Variants in LAMA2 observed in about 807,000 individuals in gnomAD.
LAMA2 encodes the protein laminin subunit alpha-2.
A neutral mutation model predicts 364.8 loss-of-function variants in LAMA2; 269 were observed. The ratio of observed to expected loss-of-function variants is 0.74; its 90% CI spans 0.67 to 0.82. The LOEUF (loss-of-function observed/expected upper bound fraction) is 0.82. Ranked by LOEUF, LAMA2 falls within the 40% of genes least tolerant of loss-of-function variation. The pLI, the probability that LAMA2 is intolerant of heterozygous loss-of-function variation, is 0.00. For missense variants in LAMA2, 3,807 were observed against 3,873.2 expected (o/e 0.98, Z 0.45); for synonymous variants, 1,379 against 1,370.6 (o/e 1.01, Z -0.14).
At chr6:129,230,809 A>G (rs1784630123) in intron 12 of LAMA2, among the ~76,000 whole-genome samples, 1 of 152,088 alleles carries the variant, frequency 6.6e-6, no homozygotes, top group African/African-American at 2.4e-5. Context: ...GAATACAGTA[A>G]AACTAGAGAT....
At chr6:129,459,960 A>T (rs1298401707) in intron 48 of LAMA2, among the ~76,000 whole-genome samples, 1 of 152,078 alleles carries the variant, frequency 6.6e-6, no homozygotes, top group East Asian at 1.9e-4. Flanking sequence ...TGGTATAGCA[A>T]AAAGTAATCA....
At chr6:129,036,267 A>G (rs77996631) in intron 1 of LAMA2, among the ~76,000 whole-genome samples, 1,549 of 152,188 alleles carry the variant, frequency 0.01, 11 homozygotes, top group Non-Finnish European at 0.016. Flanking sequence ...TTTCTTATGT[A>G]TGTCTAAATT....
At chr6:129,312,610 G>A (rs1011250529) in intron 22 of LAMA2, among the ~76,000 whole-genome samples, 29 of 152,280 alleles carry the variant, frequency 1.9e-4, no homozygotes, top group African/African-American at 4.6e-4. Flanking sequence ...AAAGAGAGAA[G>A]ACACATTTTC....
chr6:129,192,160 G>A (rs903936305), intron 11 of LAMA2, among the ~76,000 whole-genome samples: 5 of 152,200 alleles, frequency 3.3e-5, no homozygotes, highest in Non-Finnish European at 7.3e-5. Context: ...AGTGGGAGGG[G>A]TGGAAATACT....
chr6:129,463,588 G>A (rs372822822), intron 49 of LAMA2, among the ~76,000 whole-genome samples: 1 of 152,086 alleles, frequency 6.6e-6, no homozygotes, highest in East Asian at 1.9e-4. Context: ...TATTTTAAAT[G>A]TATTCACAAG....
intron 9 of LAMA2, among the ~76,000 whole-genome samples, chr6:129,167,416 G>A (rs1045043012): frequency 6.7e-6 from 1 of 150,368 alleles, no homozygotes; most frequent in African/African-American, 2.5e-5. Context: ...GTGGTGTTTG[G>A]TTTTTTGTTC....
intron 15 of LAMA2, among the ~76,000 whole-genome samples, chr6:129,264,282 T>G (rs951310042): frequency 2.6e-5 from 4 of 151,952 alleles, no homozygotes; most frequent in African/African-American, 7.3e-5. Context: ...GGGGAGAGAT[T>G]AAAGAAATAA....
chr6:128,990,329 G>A (rs1783532456), intron 1 of LAMA2, among the ~76,000 whole-genome samples: 1 of 152,116 alleles, frequency 6.6e-6, no homozygotes, highest in Admixed American at 6.5e-5. Context: ...GGGAACCATT[G>A]TATTCTAACT....
chr6:128,921,700 T>G (rs986535904), intron 1 of LAMA2, among the ~76,000 whole-genome samples: 1 of 144,046 alleles, frequency 6.9e-6, no homozygotes, highest in African/African-American at 2.8e-5. Context: ...AATGTCTGTT[T>G]TTTTTTTTTT....
intron 49 of LAMA2, among the ~76,000 whole-genome samples, chr6:129,461,794 G>T (rs1316539398): frequency 7.7e-6 from 1 of 130,100 alleles, no homozygotes; most frequent in African/African-American, 3.0e-5. Flanking sequence ...TGTTTTGTAG[G>T]TTGCAGAGAT....
chr6:129,038,743 T>A (rs1786858862), intron 1 of LAMA2, among the ~76,000 whole-genome samples: 1 of 152,164 alleles, frequency 6.6e-6, no homozygotes, highest in African/African-American at 2.4e-5. Flanking sequence ...AGAAGAAAGG[T>A]CTCCTCTATT....
intron 10 of LAMA2, among the ~76,000 whole-genome samples, chr6:129,180,531 A>G (rs1231256960): frequency 2.6e-5 from 4 of 152,086 alleles, no homozygotes; most frequent in Non-Finnish European, 4.4e-5. Flanking sequence ...GAGCTTCATT[A>G]GGAAGTCTTG....
chr6:128,981,402 C>T (rs1224122142), intron 1 of LAMA2, among the ~76,000 whole-genome samples: 2 of 151,980 alleles, frequency 1.3e-5, no homozygotes, highest in Non-Finnish European at 2.9e-5. Context: ...CTTCTAGCCT[C>T]CACTCTCAAA....
In LAMA2 at chr6:128,944,178, A is replaced by G. The variant is rs181400914; in HGVS notation, c.112+60821A>G. 4.4e-3 allele frequency among the ~76,000 whole-genome samples: 672 copies of G among 152,310 alleles called. 6 individuals carry two copies. The highest frequency in any genetic ancestry group is 0.015 in the African/African-American group (629 of 41,572). Reference sequence around the variant, plus strand: ...GACATGGTTTCTCAAAGAATAGTCTATGGTTCACCTGAGCACACATCACAA... The same window carrying G: ...GACATGGTTTCTCAAAGAATAGTCTGTGGTTCACCTGAGCACACATCACAA... On this transcript the variant is annotated intron_variant, in intron 1 of 64. Transcript: ENST00000421865.
chr6:129,237,209 T>A, intron 12 of LAMA2, among the ~76,000 whole-genome samples: 1 of 152,254 alleles, frequency 6.6e-6, no homozygotes. Flanking sequence ...TTGCAAAGCA[T>A]AATGTCAGTG....
At chr6:129,128,250 A>G (rs1049757318) in intron 4 of LAMA2, among the ~76,000 whole-genome samples, 1 of 152,208 alleles carries the variant, frequency 6.6e-6, no homozygotes, top group Non-Finnish European at 1.5e-5. Context: ...TTCATTGAAC[A>G]GACTATCCTT....
intron 32 of LAMA2, 46 bp from the exon 33 acceptor site, chr6:129,366,173 G>A: frequency 6.3e-7 from 1 of 1,598,074 alleles, no homozygotes. Context: ...CATCTGCCTG[G>A]GATGTTTAGC....
At chr6:129,196,166 C>T (rs1248683970) in intron 12 of LAMA2, among the ~76,000 whole-genome samples, 1 of 152,140 alleles carries the variant, frequency 6.6e-6, no homozygotes, top group African/African-American at 2.4e-5. Context: ...CATATAGTTG[C>T]CAAGAATACC....
At chr6:129,492,101 C>T in intron 57 of LAMA2, 24 bp downstream of exon 57, 1 of 1,597,692 alleles carries the variant, frequency 6.3e-7, no homozygotes, top group Non-Finnish European at 8.6e-7. Flanking sequence ...CTCATTACTA[C>T]TACTAATTTT....
Sources: gnomAD v4.1 joint callset for allele counts (sites outside exome capture counted in the v4.1 genomes callset) on GRCh38, gnomAD v4.1.1 for gene constraint, MANE v1.5 for transcripts, NCBI Gene and HGNC (gene_info 2026-07-23, HGNC 2026-07-21) for gene names.